Variants in PPP1R3A observed in about 807,000 individuals in gnomAD.
PPP1R3A encodes protein phosphatase 1 regulatory subunit 3A.
In PPP1R3A, 29 loss-of-function variants were observed where a neutral mutation model predicts 41.7. That is an observed-to-expected ratio of 0.70 (90% CI 0.52 to 0.95). The LOEUF is 0.95. Ranked by LOEUF, PPP1R3A falls within the 40% of genes least tolerant of loss-of-function variation. The probability of loss-of-function intolerance (pLI) is 0.00; values close to 1 mark genes in which losing one functional copy is unlikely to be tolerated. For synonymous variants in PPP1R3A, 485 were observed against 453.4 expected (o/e 1.07, Z -0.89); for missense variants, 1,352 against 1,292.4 (o/e 1.05, Z -0.71).
chr7:113,878,667 T>C lies in PPP1R3A; in HGVS notation c.2425A>G (p.Ile809Val), dbSNP rs1398590782. The change falls in exon 4 of 4, where the codon ATT (isoleucine) becomes GTT (valine). Residue 809 changes from isoleucine (I) to valine (V), a missense_variant. Physicochemically the swap from Ile to Val is conservative, Grantham distance 29. Coordinates refer to ENST00000284601, the MANE Select transcript of PPP1R3A (RefSeq NM_002711.4). ...NDFEKESRLG[I>V]CNVRVDEMEK... ...ATTTCATCTACACGTACATTACAAA[T>C]ACCTAAACGTGATTCCTTTTCAAAA... 2 of 1,613,456 alleles carry C rather than the reference T, an allele frequency of 1.2e-6. No individual in the cohort carries two copies.
At chr7:113,896,595 T>C (rs889871696) in intron 1 of PPP1R3A, among the ~76,000 whole-genome samples, 2 of 151,736 alleles carry the variant, frequency 1.3e-5, no homozygotes, top group Non-Finnish European at 2.9e-5. Context: ...GTTGAATAAT[T>C]TGGACTGAAG....
intron 1 of PPP1R3A, among the ~76,000 whole-genome samples, chr7:113,894,298 C>CAACCTGCCA (rs1796943252): frequency 6.6e-6 from 1 of 151,998 alleles, no homozygotes; most frequent in Admixed American, 6.6e-5. Context: ...AACTCCATTA[C>CAACCTGCCA]AACCTGCCAA....
In PPP1R3A at chr7:113,879,827, G is replaced by GT; in HGVS notation, c.1264dup (p.Thr422AsnfsTer2). The GT allele has an allele frequency of 6.2e-7, 1 of 1,613,496 alleles. No individual in the cohort carries two copies. The highest frequency in any genetic ancestry group is 1.1e-5 in the South Asian group (1 of 91,070). Reference sequence around the variant, plus strand: ...TAATTGCACTAGTTCATCACTACTAGTATCTCCCAATGATGGCTTGATTTC... The same window carrying GT: ...TAATTGCACTAGTTCATCACTACTAGTTATCTCCCAATGATGGCTTGATTTC... On this transcript the variant is annotated frameshift_variant, in exon 4 of 4. Coordinates refer to ENST00000284601, the MANE Select transcript of PPP1R3A (RefSeq NM_002711.4). LOFTEE classifies it low-confidence loss of function (END_TRUNC).
At chr7:113,912,612 T>C (rs760648517) in intron 1 of PPP1R3A, among the ~76,000 whole-genome samples, 1 of 152,076 alleles carries the variant, frequency 6.6e-6, no homozygotes, top group Non-Finnish European at 1.5e-5. Flanking sequence ...AAACCTGGAA[T>C]AGGGATGAGA....
In PPP1R3A at chr7:113,878,085, T is replaced by C. The variant is rs1468560869; in HGVS notation, c.3007A>G (p.Ser1003Gly). Residue 1003 changes from serine to glycine, a missense_variant, in exon 4 of 4, where the codon AGT becomes GGT. Ser to Gly is a moderately conservative substitution (Grantham distance 56, BLOSUM62 0). Transcript: ENST00000284601. ...ATTGGCCCTAGAGATTTTTCCACACTATACTCTTCTGTTTGGAAAATCTGG... is the reference window on the plus strand; with the variant it reads ...ATTGGCCCTAGAGATTTTTCCACACCATACTCTTCTGTTTGGAAAATCTGG... ...IGQIFQTEEY[S>G]VEKSLGPMIL... The C allele has an allele frequency of 1.2e-6, 2 of 1,613,424 alleles. No individual in the cohort carries two copies. The highest frequency in any genetic ancestry group is 3.3e-5 in the Admixed American group (2 of 59,870).
intron 1 of PPP1R3A, among the ~76,000 whole-genome samples, chr7:113,904,909 G>T (rs1797120301): frequency 6.6e-6 from 1 of 151,470 alleles, no homozygotes. Context: ...AAGCTAATAG[G>T]AAAACAACAA....
At chr7:113,891,507 T>C (rs1796888006) in intron 1 of PPP1R3A, among the ~76,000 whole-genome samples, 1 of 152,068 alleles carries the variant, frequency 6.6e-6, no homozygotes, top group East Asian at 1.9e-4. Flanking sequence ...CATGTAAATA[T>C]ACCCTTATTA....
At chr7:113,894,113 G>C (rs568720941) in intron 1 of PPP1R3A, among the ~76,000 whole-genome samples, 1 of 152,038 alleles carries the variant, frequency 6.6e-6, no homozygotes, top group African/African-American at 2.4e-5. Flanking sequence ...CTGTAGAGCT[G>C]TGTACTCTCC....
In PPP1R3A at chr7:113,879,542, T is replaced by G; in HGVS notation, c.1550A>C (p.Asp517Ala). The G allele has an allele frequency of 1.2e-6, 2 of 1,613,076 alleles. No individual in the cohort carries two copies. The highest frequency in any genetic ancestry group is 1.7e-6 in the Non-Finnish European group (2 of 1,179,478). The change falls in exon 4 of 4, where the codon GAT becomes GCT. Residue 517 changes from aspartate (D) to alanine (A), a missense_variant. Coordinates refer to ENST00000284601, the MANE Select transcript of PPP1R3A (RefSeq NM_002711.4). Reference sequence around the variant, plus strand: ...ACCTAAATATATTCTTTGTTCTTCATCATCCTTACCATTGCCATAATAATC... The same window carrying G: ...ACCTAAATATATTCTTTGTTCTTCAGCATCCTTACCATTGCCATAATAATC... ...KEDYYGNGKD[D>A]EEQRIYLGVN...
rs144891404 is a variant in PPP1R3A, at chr7:113,904,650, T to C, written c.782+13565A>G. The stretch of plus-strand genomic sequence containing the variant: ...GAAATTGGTCCAAAATCATCATAAG[T>C]GGTCAAAGAATTACCCAGAAATTGA... On this transcript the variant is annotated intron_variant, in intron 1 of 3. Transcript: ENST00000284601. Among the ~76,000 whole-genome samples the C allele has an allele frequency of 2.9e-3, 433 of 151,484 alleles. 2 individuals carry two copies. Among genetic ancestry groups the C allele is most frequent in the African/African-American group, 0.01 (414 of 41,346 alleles).
chr7:113,878,965 C>T lies in PPP1R3A; in HGVS notation c.2127G>A (p.Val709=), dbSNP rs746706781. 3 of 1,613,238 alleles carry T rather than the reference C, an allele frequency of 1.9e-6. No individual in the cohort carries two copies. The highest frequency in any genetic ancestry group is 1.3e-5 in the African/African-American group (1 of 74,888). ...CAGCTAGAGAAGACAGTTCACAGCACACTGTTTCTTGGCAGGTAAACAATT... is the reference window on the plus strand; with the variant it reads ...CAGCTAGAGAAGACAGTTCACAGCATACTGTTTCTTGGCAGGTAAACAATT... The part of the protein sequence containing the change: ...TEELFTCQET[V]CCELSSLADH... The change falls in exon 4 of 4, where the codon GTG becomes GTA. Residue 709 remains valine, a synonymous_variant. Transcript: ENST00000284601.
chr7:113,887,902 G>A (rs1252818340), intron 1 of PPP1R3A, among the ~76,000 whole-genome samples: 3 of 152,068 alleles, frequency 2.0e-5, no homozygotes, highest in Admixed American at 1.3e-4. Context: ...ATGGTGGCAG[G>A]CACCTGTAAT....
chr7:113,906,790 C>A (rs1395953766), intron 1 of PPP1R3A, among the ~76,000 whole-genome samples: 1 of 151,728 alleles, frequency 6.6e-6, no homozygotes, highest in African/African-American at 2.4e-5. Context: ...TAGACTAATA[C>A]ACCATTCCTG....
At chr7:113,883,227 T>C (rs1796723941) in intron 1 of PPP1R3A, among the ~76,000 whole-genome samples, 1 of 152,002 alleles carries the variant, frequency 6.6e-6, no homozygotes, top group South Asian at 2.1e-4. Flanking sequence ...CACATTTTCT[T>C]ATACTCTCTC....
At chr7:113,884,349 T>A (rs1307935408) in intron 1 of PPP1R3A, among the ~76,000 whole-genome samples, 2 of 152,034 alleles carry the variant, frequency 1.3e-5, no homozygotes, top group Admixed American at 6.6e-5. Context: ...GAACTTTTTT[T>A]ATCAGATTAA....
chr7:113,892,313 C>T (rs1308459652), intron 1 of PPP1R3A, among the ~76,000 whole-genome samples: 1 of 152,004 alleles, frequency 6.6e-6, no homozygotes, highest in Non-Finnish European at 1.5e-5. Flanking sequence ...TAAGTGGACA[C>T]ATACAGAAAT....
Position 113,882,064 on chromosome 7 carries a change from T to C in PPP1R3A, c.941A>G (p.His314Arg). ...CATCAACTCTAATTCTTTTTCATTA[T>C]GTTCATCATGTTCCCTGTTTACATC... ...VKDVNREHDE[H>R]NEKELELMIN... The change falls in exon 3 of 4, where the codon CAT becomes CGT. Residue 314 changes from histidine (H) to arginine (R), a missense_variant. Coordinates refer to ENST00000284601, the MANE Select transcript of PPP1R3A (RefSeq NM_002711.4). The C allele has an allele frequency of 3.1e-6, 5 of 1,612,686 alleles. No individual in the cohort carries two copies. In the South Asian group the frequency reaches 5.5e-5, roughly 18 times the overall value.
In PPP1R3A at chr7:113,879,901, T is replaced by C; in HGVS notation, c.1191A>G (p.Gly397=). 6.2e-7 allele frequency: 1 copy of C among 1,613,566 alleles called. No individual in the cohort carries two copies. Among genetic ancestry groups the C allele is most frequent in the Non-Finnish European group, 8.5e-7 (1 of 1,179,664 alleles). ...DFYCNEKYSS[G]DDCTHQPSEE... ...CTGAAGGTTGATGTGTACAGTCATC[T>C]CCTGAGGAATATTTTTCATTGCAGT... Residue 397 remains glycine, a synonymous_variant, in exon 4 of 4, where the codon GGA becomes GGG. Coordinates refer to ENST00000284601, the MANE Select transcript of PPP1R3A (RefSeq NM_002711.4).
chr7:113,910,711 A>G (rs13438049), intron 1 of PPP1R3A, among the ~76,000 whole-genome samples: 10,658 of 152,196 alleles, frequency 0.07, 546 homozygotes, highest in African/African-American at 0.15. Flanking sequence ...GTGTTAACAC[A>G]TCCACAGTAA....
Sources: allele counts gnomAD v4.1 joint callset (sites outside exome capture counted in the v4.1 genomes callset), GRCh38; gene constraint gnomAD v4.1.1; transcripts MANE v1.5; gene names NCBI Gene and HGNC (gene_info 2026-07-23, HGNC 2026-07-21).